Variants in UTRN observed in about 807,000 individuals in gnomAD.
UTRN encodes the protein dystrophin-related protein 1.
A neutral mutation model predicts 463.9 loss-of-function variants in UTRN; 283 were observed. The ratio of observed to expected loss-of-function variants is 0.61; its 90% confidence interval spans 0.55 to 0.67. The LOEUF (loss-of-function observed/expected upper bound fraction) is 0.67, where lower values mean the gene tolerates loss of function less well. Ranked by LOEUF, UTRN falls within the 30% of genes least tolerant of loss-of-function variation. The pLI, the probability that UTRN is intolerant of heterozygous loss-of-function variation, is 0.00. For synonymous variants in UTRN, 1,442 were observed against 1,431.5 expected (o/e 1.01, Z -0.17); for missense variants, 3,922 against 4,084.3 (o/e 0.96, Z 1.08).
intron 2 of UTRN, among the ~76,000 whole-genome samples, chr6:144,305,517 C>T (rs1805648233): frequency 1.3e-5 from 2 of 152,158 alleles, no homozygotes; most frequent in South Asian, 4.1e-4. Flanking sequence ...CTGTCTTAAG[C>T]CCAGTTCCTT....
In UTRN at chr6:144,628,215, A is replaced by G. The variant is rs547937232; in HGVS notation, c.7480-50191A>G. On this transcript the variant is annotated intron_variant, in intron 51 of 74. Coordinates refer to ENST00000367545, the MANE Select transcript of UTRN (RefSeq NM_007124.3). ...GGCTATTGTGAATAATGCTGCTATG[A>G]ACATTGGTGTACAAGTATCCGTTTT... 3.9e-5 allele frequency among the ~76,000 whole-genome samples: 6 copies of G among 152,270 alleles called. No homozygotes were observed. In the South Asian group the frequency reaches 1.2e-3, roughly 32 times the overall value.
intron 33 of UTRN, among the ~76,000 whole-genome samples, chr6:144,494,774 T>C (rs1212134527): frequency 2.0e-5 from 3 of 150,036 alleles, no homozygotes; most frequent in Admixed American, 6.6e-5. Flanking sequence ...GATTGGTGCA[T>C]TCACAAACCC....
Position 144,793,996 on chromosome 6 carries a change from G to T in UTRN, c.9078+5G>T. On this transcript the variant is annotated splice_donor_5th_base_variant and intron_variant, in intron 63 of 74. Coordinates refer to ENST00000367545, the MANE Select transcript of UTRN (RefSeq NM_007124.3). ...GTTCGCAGCTGCTTCCAACAGGTAA[G>T]CATGAAGGATCACTGGTGTGTAGGA... The T allele has an allele frequency of 6.2e-7, 1 of 1,613,414 alleles. No homozygotes were observed. Among genetic ancestry groups the T allele is most frequent in the South Asian group, 1.1e-5 (1 of 91,014 alleles).
chr6:144,739,641 G>A (rs879206402), intron 54 of UTRN, among the ~76,000 whole-genome samples: 1 of 152,158 alleles, frequency 6.6e-6, no homozygotes. Flanking sequence ...CGGTAGAGAC[G>A]TAGCTGACCA....
At chr6:144,569,404 T>C (rs1215445407) in intron 50 of UTRN, among the ~76,000 whole-genome samples, 1 of 152,100 alleles carries the variant, frequency 6.6e-6, no homozygotes, top group Admixed American at 6.6e-5. Context: ...TCCAGGACAC[T>C]TATCATTAAA....
intron 2 of UTRN, among the ~76,000 whole-genome samples, chr6:144,340,461 T>A (rs920869177): frequency 2.6e-5 from 4 of 152,176 alleles, no homozygotes; most frequent in Non-Finnish European, 4.4e-5. Flanking sequence ...GGGTGTATAT[T>A]TCCTCCGTGG....
At chr6:144,475,942 G>A (rs1005134170) in intron 25 of UTRN, among the ~76,000 whole-genome samples, 5 of 151,686 alleles carry the variant, frequency 3.3e-5, no homozygotes, top group African/African-American at 1.2e-4. Flanking sequence ...CGGGCATGGT[G>A]GTGTGCGCCT....
intron 1 of UTRN, among the ~76,000 whole-genome samples, chr6:144,287,227 C>T (rs1187220313): frequency 6.6e-6 from 1 of 152,180 alleles, no homozygotes; most frequent in Non-Finnish European, 1.5e-5. Context: ...GGCGTGGAAC[C>T]ATTCCCCGCC....
intron 2 of UTRN, among the ~76,000 whole-genome samples, chr6:144,388,290 G>A (rs943991106): frequency 2.0e-5 from 3 of 151,738 alleles, no homozygotes; most frequent in Admixed American, 2.0e-4. Context: ...TTCATTATAT[G>A]TATCTGAATA....
At chr6:144,428,423 G>GTT (rs11372852) in intron 7 of UTRN, among the ~76,000 whole-genome samples, 2,908 of 138,532 alleles carry the variant, frequency 0.021, 81 homozygotes, top group African/African-American at 0.071. Flanking sequence ...TTTTTCTGTG[G>GTT]TTTTTTTTTT....
At chr6:144,440,254 C>T in intron 12 of UTRN, 98 bp from the exon 13 acceptor site, 2 of 1,248,990 alleles carry the variant, frequency 1.6e-6, no homozygotes, top group South Asian at 1.3e-5. Flanking sequence ...AATATGATGC[C>T]TCATTAACTG....
In UTRN at chr6:144,451,495, T is replaced by TA. The variant is rs761432803; in HGVS notation, c.2196+8dup. 11 of 1,609,004 alleles carry TA rather than the reference T, an allele frequency of 6.8e-6. No individual in the cohort carries two copies. Among genetic ancestry groups the TA allele is most frequent in the Non-Finnish European group, 6.8e-6 (8 of 1,178,576 alleles). On this transcript the variant is annotated splice_region_variant and intron_variant, in intron 18 of 74. Coordinates refer to ENST00000367545, the MANE Select transcript of UTRN (RefSeq NM_007124.3). ...TCCGAAATGAAAAAGAAGTTGAAGG[T>TA]AAAAAACATAAACCACATATATCCT...
chr6:144,798,088 G>GT (rs1305938054), intron 64 of UTRN, 98 bp downstream of exon 64: 1 of 1,532,906 alleles, frequency 6.5e-7, no homozygotes, highest in Non-Finnish European at 8.8e-7. Flanking sequence ...CCATTTGGAG[G>GT]TTTGCTTTCT....
intron 51 of UTRN, among the ~76,000 whole-genome samples, chr6:144,655,169 C>T (rs982253515): frequency 6.6e-6 from 1 of 152,162 alleles, no homozygotes. Flanking sequence ...GAGAGTTTTC[C>T]CTTTCATCAG....
intron 50 of UTRN, among the ~76,000 whole-genome samples, chr6:144,566,454 T>C (rs1303436114): frequency 2.0e-5 from 3 of 152,114 alleles, no homozygotes; most frequent in African/African-American, 2.4e-5. Flanking sequence ...AGAATGCAGA[T>C]GGAAGTGGGA....
chr6:144,480,011 G>T (rs541759830), intron 26 of UTRN, 29 bp downstream of exon 26: 15 of 1,602,452 alleles, frequency 9.4e-6, no homozygotes, highest in Non-Finnish European at 1.3e-5. Context: ...GTGCCAACAG[G>T]CTTCATGCCT....
At chr6:144,610,028 A>C (rs1228201662) in intron 51 of UTRN, among the ~76,000 whole-genome samples, 1 of 152,112 alleles carries the variant, frequency 6.6e-6, no homozygotes, top group East Asian at 1.9e-4. Flanking sequence ...GAACAATAAA[A>C]AGAAGAACAA....
chr6:144,380,333 G>C (rs1489210737), intron 2 of UTRN, among the ~76,000 whole-genome samples: 1 of 152,162 alleles, frequency 6.6e-6, no homozygotes, highest in Non-Finnish European at 1.5e-5. Flanking sequence ...AAAATGTCTA[G>C]GAGGATGTAT....
chr6:144,636,543 TA>T (rs201188776), intron 51 of UTRN, among the ~76,000 whole-genome samples: 5,634 of 149,544 alleles, frequency 0.038, 328 homozygotes, highest in African/African-American at 0.12. Context: ...TAAAGTATAA[TA>T]AAAAAAAAAT....
Sources: gnomAD v4.1 joint callset for allele counts (sites outside exome capture counted in the v4.1 genomes callset) on GRCh38, gnomAD v4.1.1 for gene constraint, MANE v1.5 for transcripts, NCBI Gene and HGNC (gene_info 2026-07-23, HGNC 2026-07-21) for gene names.